The following VAV1 variants were observed in gnomAD, a reference collection of about 807,000 sequenced individuals.
VAV1 encodes the protein proto-oncogene vav.
Under a neutral mutation model 128.1 loss-of-function variants are expected in VAV1, and 33 were observed. The observed-to-expected ratio is 0.26, with a 90% CI of 0.20 to 0.34. VAV1 has a LOEUF of 0.34. VAV1 is among the 10% of genes least tolerant of loss of function. The pLI is 1.00. For missense variants in VAV1, 715 were observed against 1,093.7 expected (o/e 0.65, Z 4.88); for synonymous variants, 394 against 409.8 (o/e 0.96, Z 0.47).
At chr19:6,838,427 CCA>C (rs1568313118) in intron 21 of VAV1, among the ~76,000 whole-genome samples, 1 of 150,922 alleles carries the variant, frequency 6.6e-6, no homozygotes, top group Admixed American at 6.6e-5. Flanking sequence ...ATCCATCCAT[CCA>C]TCCATCCATC....
intron 1 of VAV1, among the ~76,000 whole-genome samples, chr19:6,817,754 G>A (rs1373056727): frequency 2.0e-5 from 3 of 151,744 alleles, no homozygotes; most frequent in East Asian, 1.9e-4. Context: ...TGGCACCGTC[G>A]TGGCTCACCG....
Position 6,820,643 on chromosome 19 carries a change from G to C in VAV1, c.205-59G>C. 6.8e-7 allele frequency: 1 copy of C among 1,462,788 alleles called. No homozygotes were observed. Among genetic ancestry groups the C allele is most frequent in the Admixed American group, 1.7e-5 (1 of 59,340 alleles). The allele number at this position is 1,462,788 out of a possible 1,614,324, so 90.6% of individuals were successfully genotyped here. ...AGTCCCCAAGCTAGGTGGCCTGGGG[G>C]TCAGTTTCTCCCCTGCCCTTTCGTA... On this transcript the variant is annotated intron_variant, in intron 1 of 26. Transcript: ENST00000602142. This position sits in a 1 kb window ranked among gnomAD's most constrained non-coding sequence, Gnocchi z 4.4.
At position 6,854,994 on chromosome 19, in the gene VAV1, G is replaced by A. The variant is rs1015378540; in HGVS notation, c.2484+896G>A. Among the ~76,000 whole-genome samples the A allele has an allele frequency of 3.3e-5, 5 of 152,172 alleles. No individual in the cohort carries two copies. The East Asian group carries it at 9.6e-4, about 29-fold the overall frequency. ...GGTAGAGCTGGGACTAAACCACTGT[G>A]CTCACTTTGCCTGCTTGAATTCCGA... On this transcript the variant is annotated intron_variant, in intron 26 of 26. Coordinates refer to ENST00000602142, the MANE Select transcript of VAV1 (RefSeq NM_005428.4).
chr19:6,778,411 G>C (rs1970692387), intron 1 of VAV1, among the ~76,000 whole-genome samples: 1 of 152,180 alleles, frequency 6.6e-6, no homozygotes, highest in African/African-American at 2.4e-5. Context: ...CCCAGCCCCA[G>C]TGAATAGTGG....
At chr19:6,778,072 G>A (rs371261379) in intron 1 of VAV1, among the ~76,000 whole-genome samples, 3 of 152,264 alleles carry the variant, frequency 2.0e-5, no homozygotes, top group African/African-American at 7.2e-5. Flanking sequence ...GAGTAGCTGG[G>A]GCTACAGATG....
intron 1 of VAV1, among the ~76,000 whole-genome samples, chr19:6,814,686 T>TCC (rs1568299290): frequency 1.7e-5 from 2 of 118,040 alleles, no homozygotes; most frequent in African/African-American, 8.0e-5. Flanking sequence ...CTTTCTTTCT[T>TCC]TCTTTCTTTC....
At chr19:6,819,206 A>G (rs1341096120) in intron 1 of VAV1, among the ~76,000 whole-genome samples, 6 of 152,206 alleles carry the variant, frequency 3.9e-5, no homozygotes, top group Non-Finnish European at 7.3e-5. Context: ...CTGTGTTTTG[A>G]TTCAACAAGT....
chr19:6,850,632 G>T, intron 23 of VAV1, 38 bp from the exon 24 acceptor site: 1 of 1,603,112 alleles, frequency 6.2e-7, no homozygotes, highest in East Asian at 2.2e-5. Flanking sequence ...AATGGGCCTG[G>T]TCCCCAGACT....
At chr19:6,782,661 C>A (rs1044089342) in intron 1 of VAV1, among the ~76,000 whole-genome samples, 1 of 152,024 alleles carries the variant, frequency 6.6e-6, no homozygotes, top group African/African-American at 2.4e-5. Context: ...AGGCTAATCG[C>A]TTGAGGCCAG....
chr19:6,779,894 A>G (rs896654614), intron 1 of VAV1, among the ~76,000 whole-genome samples: 1 of 149,166 alleles, frequency 6.7e-6, no homozygotes. Flanking sequence ...GGCGGATCAC[A>G]AGGTCAGGAG....
chr19:6,817,718 G>A lies in VAV1; in HGVS notation c.205-2984G>A, dbSNP rs369632. On this transcript the variant is annotated intron_variant, in intron 1 of 26. Coordinates refer to ENST00000602142, the MANE Select transcript of VAV1 (RefSeq NM_005428.4). ...TATTTATTTTCTGAGATGGGGTCTC[G>A]CTCTGTTGCCCAGGCTGGAGTGCAG... Among the ~76,000 whole-genome samples the A allele has an allele frequency of 3.6e-3, 537 of 149,492 alleles. 3 individuals carry two copies. Among genetic ancestry groups the A allele is most frequent in the East Asian group, 0.011 (55 of 4,946 alleles).
chr19:6,797,180 C>T (rs113786899), intron 1 of VAV1, among the ~76,000 whole-genome samples: 2 of 149,762 alleles, frequency 1.3e-5, no homozygotes, highest in African/African-American at 2.5e-5. Flanking sequence ...TGCTGTGAGC[C>T]GAGATTGCAG....
chr19:6,814,640 C>T (rs550188686), intron 1 of VAV1, among the ~76,000 whole-genome samples: 11 of 69,346 alleles, frequency 1.6e-4, no homozygotes, highest in African/African-American at 1.1e-3. Flanking sequence ...TCTTTCTCTC[C>T]TTCCTTCCTT....
intron 14 of VAV1, 44 bp from the exon 15 acceptor site, chr19:6,832,047 T>C: frequency 6.3e-7 from 1 of 1,590,260 alleles, no homozygotes; most frequent in Non-Finnish European, 8.6e-7. Context: ...GCTCCCACCC[T>C]CTGCGGGGGC....
rs1972125630 is a variant in VAV1, at chr19:6,833,090, C to T, written c.1509-94C>T. ...TCAATGAATGAGTGGACACGCAAAA[C>T]GTGGTCTGTTCATACCATGGAATAG... On this transcript the variant is annotated intron_variant, in intron 15 of 26. Coordinates refer to ENST00000602142, the MANE Select transcript of VAV1 (RefSeq NM_005428.4). The T allele has an allele frequency of 1.5e-5, 16 of 1,096,234 alleles. No homozygotes were observed. In the South Asian group the frequency reaches 2.6e-4, roughly 18 times the overall value. 67.9% of individuals were successfully genotyped at this position (1,096,234 alleles called of 1,614,324 possible).
At chr19:6,781,752 T>C (rs692222) in intron 1 of VAV1, among the ~76,000 whole-genome samples, 39,143 of 151,714 alleles carry the variant, frequency 0.26, 5,698 homozygotes, top group African/African-American at 0.39. Context: ...AGATTACAGG[T>C]GTGCGCCAAG....
chr19:6,833,384 G>A, intron 16 of VAV1, 99 bp downstream of exon 16: 1 of 1,393,766 alleles, frequency 7.2e-7, no homozygotes, highest in Non-Finnish European at 9.9e-7. Context: ...TGGGAGATGG[G>A]GGAGTCCCTA....
intron 1 of VAV1, among the ~76,000 whole-genome samples, chr19:6,796,824 C>G (rs556981414): frequency 3.8e-4 from 58 of 152,340 alleles, no homozygotes; most frequent in African/African-American, 1.3e-3. Flanking sequence ...ACAATACCTT[C>G]ATTGTCTTCC....
intron 1 of VAV1, among the ~76,000 whole-genome samples, chr19:6,776,659 C>T (rs1970649889): frequency 6.7e-6 from 1 of 150,170 alleles, no homozygotes; most frequent in Non-Finnish European, 1.5e-5. Flanking sequence ...CATCCATCTA[C>T]TTTTCCATCC....
Sources: allele counts gnomAD v4.1 joint callset (sites outside exome capture counted in the v4.1 genomes callset), GRCh38; gene constraint gnomAD v4.1.1; non-coding constraint Gnocchi (gnomAD v3.1); transcripts MANE v1.5; gene names NCBI Gene and HGNC (gene_info 2026-07-23, HGNC 2026-07-21).